Variants in DTD1 observed in about 807,000 individuals in gnomAD.
DTD1 encodes the protein D-aminoacyl-tRNA deacylase 1, also known as D-tyrosyl-tRNA deacylase 1 homolog.
In DTD1, 13 loss-of-function variants were observed where a neutral mutation model predicts 25.6. The observed-to-expected ratio is 0.51, with a 90% CI of 0.33 to 0.81. The LOEUF (loss-of-function observed/expected upper bound fraction) is 0.81. Among genes scored for constraint, DTD1 ranks in the 30% least tolerant of loss-of-function variants. DTD1 has a pLI of 0.02. For synonymous variants in DTD1, 110 were observed against 103.6 expected (o/e 1.06, Z -0.37); for missense variants, 193 against 266.4 (o/e 0.72, Z 1.92).
Position 18,607,138 on chromosome 20 carries a change from T to C in DTD1, c.370+10897T>C, listed in dbSNP as rs183187726. ...GTGTATAATTCTTTTTATACATTGT[T>C]GGATTCTATTTGCTATTTTGTTGAG... On this transcript the variant is annotated intron_variant, in intron 3 of 5. Transcript: ENST00000377452. 5.6e-3 allele frequency among the ~76,000 whole-genome samples: 854 copies of C among 152,284 alleles called. 2 individuals are homozygous for C. The highest frequency in any genetic ancestry group is 8.0e-3 in the Non-Finnish European group (545 of 68,012).
intron 3 of DTD1, 21 bp downstream of exon 3, chr20:18,596,262 C>T (rs781454790): frequency 1.2e-6 from 2 of 1,604,118 alleles, no homozygotes; most frequent in Admixed American, 1.7e-5. Context: ...GAGCCACATC[C>T]AGGAACGGGT....
intron 1 of DTD1, among the ~76,000 whole-genome samples, chr20:18,588,524 T>A (rs1052485421): frequency 6.6e-6 from 1 of 152,238 alleles, no homozygotes; most frequent in Non-Finnish European, 1.5e-5. Flanking sequence ...CTGCTGTATT[T>A]TAAATGTTCA....
At chr20:18,751,420 T>C (rs1004880335) in intron 5 of DTD1, among the ~76,000 whole-genome samples, 1 of 152,178 alleles carries the variant, frequency 6.6e-6, no homozygotes, top group African/African-American at 2.4e-5. Flanking sequence ...CCCAGTGACA[T>C]TGCTATCATT....
intron 4 of DTD1, among the ~76,000 whole-genome samples, chr20:18,651,190 T>A (rs1308308147): frequency 6.6e-6 from 1 of 152,226 alleles, no homozygotes; most frequent in Non-Finnish European, 1.5e-5. Context: ...CTCACTCTGT[T>A]ATGCCGGCTA....
chr20:18,760,583 C>T (rs559882265), intron 5 of DTD1, among the ~76,000 whole-genome samples: 15 of 152,144 alleles, frequency 9.9e-5, no homozygotes, highest in African/African-American at 1.9e-4. Flanking sequence ...GCTGCCTGAT[C>T]GTTCCTCTGG....
At chr20:18,734,025 T>C (rs1158607881) in intron 4 of DTD1, among the ~76,000 whole-genome samples, 1 of 152,260 alleles carries the variant, frequency 6.6e-6, no homozygotes, top group Non-Finnish European at 1.5e-5. Context: ...TATGAAATTA[T>C]ATCAAGCTGC....
intron 4 of DTD1, among the ~76,000 whole-genome samples, chr20:18,735,854 A>C (rs1156658627): frequency 1.3e-5 from 2 of 152,086 alleles, no homozygotes; most frequent in Non-Finnish European, 2.9e-5. Flanking sequence ...ATCTCACTCT[A>C]GAGCACCAGT....
Position 18,763,980 on chromosome 20 carries a change from A to G in DTD1, c.*640A>G, listed in dbSNP as rs1043028197. Reference sequence around the variant, plus strand: ...AATGCAATGCGTCTGACCTCTCTCTATGCGTATCTACACTTCTTTTCACAT... The same window carrying G: ...AATGCAATGCGTCTGACCTCTCTCTGTGCGTATCTACACTTCTTTTCACAT... On this transcript the variant is annotated 3_prime_UTR_variant, in exon 6 of 6. Transcript: ENST00000377452. The G allele has an allele frequency of 7.9e-5, 12 of 152,190 alleles. No individual in the cohort carries two copies. Among genetic ancestry groups the G allele is most frequent in the Admixed American group, 6.5e-4 (10 of 15,288 alleles). The allele number at this position is 152,190 out of a possible 1,614,324, so 9.4% of individuals were successfully genotyped here.
At chr20:18,674,340 G>A (rs780105048) in intron 4 of DTD1, 2 of 152,182 alleles carry the variant, frequency 1.3e-5, no homozygotes, top group Non-Finnish European at 2.9e-5. Context: ...ACTGCTTGTA[G>A]CAGTTCCATA....
At chr20:18,644,095 A>AT in intron 4 of DTD1, among the ~76,000 whole-genome samples, 1 of 152,050 alleles carries the variant, frequency 6.6e-6, no homozygotes, top group Non-Finnish European at 1.5e-5. Context: ...GTTGGTCGCA[A>AT]TTTTTTGCTC....
chr20:18,624,700 C>G (rs1221300831), intron 3 of DTD1, among the ~76,000 whole-genome samples: 1 of 152,104 alleles, frequency 6.6e-6, no homozygotes, highest in Non-Finnish European at 1.5e-5. Flanking sequence ...CAGAGTTATC[C>G]CAGGCAGAGT....
intron 4 of DTD1, among the ~76,000 whole-genome samples, chr20:18,708,683 C>T (rs117392561): frequency 8.5e-5 from 13 of 152,144 alleles, no homozygotes; most frequent in Non-Finnish European, 1.8e-4. Context: ...TTTCTAAACA[C>T]TCCCATTTTT....
intron 4 of DTD1, among the ~76,000 whole-genome samples, chr20:18,722,102 C>G (rs963268422): frequency 1.3e-5 from 2 of 152,250 alleles, no homozygotes; most frequent in African/African-American, 4.8e-5. Flanking sequence ...TCAGGCCCAT[C>G]TGATTTCGTG....
At chr20:18,702,865 G>A (rs569227980) in intron 4 of DTD1, among the ~76,000 whole-genome samples, 16 of 152,020 alleles carry the variant, frequency 1.1e-4, no homozygotes, top group African/African-American at 3.6e-4. Context: ...TCAGTCATGC[G>A]TCCTGTTTTA....
At chr20:18,674,059 T>C (rs983354109) in intron 4 of DTD1, among the ~76,000 whole-genome samples, 1 of 152,248 alleles carries the variant, frequency 6.6e-6, no homozygotes, top group Non-Finnish European at 1.5e-5. Flanking sequence ...AATTTCTGTA[T>C]TTCCCTGTGG....
chr20:18,636,871 A>G (rs1382457984), intron 4 of DTD1, among the ~76,000 whole-genome samples: 1 of 152,166 alleles, frequency 6.6e-6, no homozygotes, highest in Non-Finnish European at 1.5e-5. Context: ...AGTGTTCCTC[A>G]AACGGCAGAC....
At chr20:18,736,015 C>T (rs1334203618) in intron 4 of DTD1, among the ~76,000 whole-genome samples, 1 of 152,096 alleles carries the variant, frequency 6.6e-6, no homozygotes, top group Non-Finnish European at 1.5e-5. Flanking sequence ...CTTCTTCTTC[C>T]AATGTGGCTC....
At chr20:18,651,403 C>T (rs889245277) in intron 4 of DTD1, among the ~76,000 whole-genome samples, 11 of 152,190 alleles carry the variant, frequency 7.2e-5, no homozygotes, top group Non-Finnish European at 1.5e-4. Flanking sequence ...TGCCCGTCTC[C>T]GCCTCCCAAA....
intron 5 of DTD1, among the ~76,000 whole-genome samples, chr20:18,750,447 G>T (rs889837360): frequency 2.0e-5 from 3 of 152,174 alleles, no homozygotes; most frequent in African/African-American, 7.2e-5. Flanking sequence ...AATCTGGCAG[G>T]CCCTAAGGGG....
Sources: allele counts gnomAD v4.1 joint callset (sites outside exome capture counted in the v4.1 genomes callset), GRCh38; gene constraint gnomAD v4.1.1; transcripts MANE v1.5; gene names NCBI Gene and HGNC (gene_info 2026-07-23, HGNC 2026-07-21).